The following LLGL1 variants were observed in gnomAD, a reference collection of about 807,000 sequenced individuals.
LLGL1 encodes lethal(2) giant larvae protein homolog 1.
A neutral mutation model predicts 110.6 loss-of-function variants in LLGL1; 58 were observed. The observed-to-expected ratio is 0.52, with a 90% CI of 0.42 to 0.65. The LOEUF is 0.65. LLGL1 is among the 30% of genes least tolerant of loss of function. LLGL1 has a pLI of 0.00. For missense variants in LLGL1, 1,229 were observed against 1,462.1 expected, an observed-to-expected ratio of 0.84 and a Z score of 2.60; for synonymous variants, 674 against 607.2, an observed-to-expected ratio of 1.11 and a Z score of -1.62.
At chr17:18,242,130 C>T (rs1229838230) in intron 19 of LLGL1, 36 bp from the exon 20 acceptor site, 3 of 1,577,360 alleles carry the variant, frequency 1.9e-6, no homozygotes, top group African/African-American at 2.7e-5. Context: ...CTCAAGTCAT[C>T]CACCTATGGT....
rs770208654 is a variant in LLGL1 at position 18,238,159 on chromosome 17, G to A, written c.1997G>A (p.Arg666His). Residue 666 changes from arginine (R) to histidine (H), a missense_variant, in exon 15 of 23, where the codon CGC becomes CAC. Physicochemically the swap from Arg to His is conservative, Grantham distance 29 (BLOSUM62 0). Coordinates refer to ENST00000316843, the MANE Select transcript of LLGL1 (RefSeq NM_004140.4). ...LKKSLRQSFRRIRKSRVSGKK... is the reference protein window; with the variant it reads ...LKKSLRQSFRHIRKSRVSGKK... ...AAGTCACTGCGCCAGTCTTTCCGGC[G>A]CATTCGCAAGAGTCGTGTCTCTGGC... The A allele has an allele frequency of 4.3e-6, 7 of 1,613,210 alleles. No individual in the cohort carries two copies. Among genetic ancestry groups the A allele is most frequent in the South Asian group, 2.2e-5 (2 of 91,088 alleles).
intron 1 of LLGL1, among the ~76,000 whole-genome samples, chr17:18,226,429 A>G (rs911068211): frequency 1.3e-5 from 2 of 151,984 alleles, no homozygotes; most frequent in Non-Finnish European, 2.9e-5. Context: ...GGGGCGAGGC[A>G]GCTGTGGGGG....
Position 18,235,462 on chromosome 17 carries a change from C to A in LLGL1, c.1285-8C>A, listed in dbSNP as rs373205687. 3.4e-4 allele frequency: 553 copies of A among 1,613,988 alleles called. No homozygotes were observed. The highest frequency in any genetic ancestry group is 4.5e-4 in the Non-Finnish European group (528 of 1,180,036). ...CCTTGTGCATACATCTCTGCCACCC[C>A]CTCCCAGAGCTGGCCCATCACTGGG... On this transcript the variant is annotated splice_polypyrimidine_tract_variant and splice_region_variant and intron_variant, in intron 10 of 22. Coordinates refer to ENST00000316843, the MANE Select transcript of LLGL1 (RefSeq NM_004140.4).
chr17:18,242,594 G>T lies in LLGL1; in HGVS notation c.3082G>T (p.Asp1028Tyr). 2 of 1,613,920 alleles carry T rather than the reference G, an allele frequency of 1.2e-6. No homozygotes were observed. The highest frequency in any genetic ancestry group is 1.7e-6 in the Non-Finnish European group (2 of 1,179,894). ...TGACACCACGCTGGACACGACAGGG[G>T]ACGTCACAGTGGAAGATGTGAAGGA... The part of the protein sequence containing the change: ...SADTTLDTTG[D>Y]VTVEDVKDFL... Residue 1028 changes from aspartate (D) to tyrosine (Y), a missense_variant, in exon 21 of 23, where the codon GAC becomes TAC. Asp to Tyr is a radical substitution (Grantham distance 160, BLOSUM62 -3). Transcript: ENST00000316843.
chr17:18,232,720 A>G lies in LLGL1; in HGVS notation c.310A>G (p.Ile104Val). The G allele has an allele frequency of 6.2e-7, 1 of 1,614,032 alleles. No homozygotes were observed. The highest frequency in any genetic ancestry group is 1.1e-5 in the South Asian group (1 of 91,078). Reference protein sequence around the residue: ...LDDSSLHLWEIVHHNGCAHLE... With the variant: ...LDDSSLHLWEVVHHNGCAHLE... ...TGACAGCAGTCTGCATCTCTGGGAG[A>G]TTGTCCACCATAATGGCTGTGCCCA... is the stretch of plus-strand genomic sequence containing the variant. Residue 104 changes from isoleucine (I) to valine (V), a missense_variant, in exon 4 of 23, where the codon ATT becomes GTT. Transcript: ENST00000316843.
chr17:18,237,906 C>A, intron 14 of LLGL1, 133 bp downstream of exon 14: 1 of 1,285,494 alleles, frequency 7.8e-7, no homozygotes, highest in Non-Finnish European at 1.1e-6. Flanking sequence ...AACCTGGCAG[C>A]TCCAAGAAGG....
chr17:18,229,868 G>A, intron 1 of LLGL1, 73 bp from the exon 2 acceptor site: 1 of 1,030,794 alleles, frequency 9.7e-7, no homozygotes, highest in South Asian at 1.5e-5. Context: ...GCTGCCTTGG[G>A]GTGGGCCTCA....
rs910092935 is a variant in LLGL1 at position 18,232,276 on chromosome 17, A to C, written c.180-219A>C. Among the ~76,000 whole-genome samples the C allele has an allele frequency of 2.5e-4, 38 of 152,260 alleles. 1 individual carries two copies. On this transcript the variant is annotated intron_variant, in intron 2 of 22. Coordinates refer to ENST00000316843, the MANE Select transcript of LLGL1 (RefSeq NM_004140.4). ...GGTCCTATAGCAGCACCTGACTTGC[A>C]GGAGTGAGTGGAGCCTGCACACTGA...
Position 18,235,125 on chromosome 17 carries a change from A to G in LLGL1, c.1097A>G (p.Glu366Gly). ...DDPQALAVLL[E>G]EELVVLDLQT... ...CCCCAGGCCCTGGCTGTGCTGCTGG[A>G]AGAGGAGCTGGTGGTGCTGGACCTG... The change falls in exon 10 of 23, where the codon GAA becomes GGA. Residue 366 changes from glutamate to glycine, a missense_variant. By Grantham distance (98) the Glu-to-Gly change is moderately conservative. Coordinates refer to ENST00000316843, the MANE Select transcript of LLGL1 (RefSeq NM_004140.4). 6.2e-7 allele frequency: 1 copy of G among 1,613,808 alleles called. No individual in the cohort carries two copies. Among genetic ancestry groups the G allele is most frequent in the Non-Finnish European group, 8.5e-7 (1 of 1,180,020 alleles).
In LLGL1 at chr17:18,225,670, A is replaced by C. The variant is rs764009488; in HGVS notation, c.-13A>C. ...CGGCGGCGGCGGGCGAGGCGCCTGC[A>C]GCCGGGCGCAAGATGATGAAGTTTC... is the stretch of plus-strand genomic sequence containing the variant. On this transcript the variant is annotated 5_prime_UTR_variant, in exon 1 of 23. Transcript: ENST00000316843. 5.0e-5 allele frequency: 50 copies of C among 997,390 alleles called. No individual in the cohort carries two copies. Among genetic ancestry groups the C allele is most frequent in the Admixed American group, 6.1e-5 (1 of 16,468 alleles). The allele number at this position is 997,390 out of a possible 1,614,324, so 61.8% of individuals were successfully genotyped here. A position where few individuals can be genotyped will look rare whatever the true frequency, so the allele number is the denominator to read the frequency against.
Position 18,234,986 on chromosome 17 carries a change from C to T in LLGL1, c.1053C>T (p.Pro351=), listed in dbSNP as rs770359507. ...IDFFTVHSTR[P]EDEFDDPQAL... ...TCTTCACAGTGCACAGCACACGGCC[C>T]GAGGATGGTGCGTGCCCTGCCGTAC... Residue 351 remains proline, a synonymous_variant, in exon 9 of 23, where the codon CCC becomes CCT. Transcript: ENST00000316843. 8 of 1,613,762 alleles carry T rather than the reference C, an allele frequency of 5.0e-6. No homozygotes were observed. Among genetic ancestry groups the T allele is most frequent in the Middle Eastern group, 1.6e-4 (1 of 6,084 alleles).
Position 18,234,352 on chromosome 17 carries a change from C to G in LLGL1, c.794C>G (p.Ser265Cys). 6.2e-7 allele frequency: 1 copy of G among 1,612,332 alleles called. No individual in the cohort carries two copies. The highest frequency in any genetic ancestry group is 8.5e-7 in the Non-Finnish European group (1 of 1,179,734). Reference sequence around the variant, plus strand: ...AGCGATGGCAGCTATGCTGTCTGGTCTGTGGATGCCGGCAGCTTCCCAACG... The same window carrying G: ...AGCGATGGCAGCTATGCTGTCTGGTGTGTGGATGCCGGCAGCTTCCCAACG... ...SHSDGSYAVW[S>C]VDAGSFPTLQ... The change falls in exon 7 of 23, where the codon TCT becomes TGT. Residue 265 changes from serine to cysteine, a missense_variant. Coordinates refer to ENST00000316843, the MANE Select transcript of LLGL1 (RefSeq NM_004140.4).
intron 17 of LLGL1, 152 bp from the exon 18 acceptor site, chr17:18,241,299 T>G (rs1264964811): frequency 2.2e-6 from 2 of 913,468 alleles, no homozygotes; most frequent in South Asian, 1.7e-5. Flanking sequence ...GTCTGGAGTT[T>G]AGTGGGGCAG....
rs1021368688 is a variant in LLGL1, at chr17:18,234,841, G to A, written c.908G>A (p.Gly303Asp). ...KILWRNCESG[G>D]HFIIFSGGMP... ...CGCACACCTCCCTCTGCACATAGGG[G>A]CCACTTTATCATCTTCAGCGGTGGC... Residue 303 changes from glycine to aspartate, a missense_variant and splice_region_variant, in exon 9 of 23, where the codon GGC becomes GAC. Physicochemically the swap from Gly to Asp is moderately conservative, Grantham distance 94. Transcript: ENST00000316843. 7 of 1,613,954 alleles carry A rather than the reference G, an allele frequency of 4.3e-6. No individual in the cohort carries two copies. Among genetic ancestry groups the A allele is most frequent in the Non-Finnish European group, 5.9e-6 (7 of 1,180,016 alleles).
chr17:18,237,676 G>A lies in LLGL1; in HGVS notation c.1807G>A (p.Ala603Thr), dbSNP rs139750751. 1.1e-4 allele frequency: 181 copies of A among 1,612,636 alleles called. No individual in the cohort carries two copies. Among genetic ancestry groups the A allele is most frequent in the Admixed American group, 2.7e-4 (16 of 59,990 alleles). Residue 603 changes from alanine to threonine, a missense_variant, in exon 14 of 23, where the codon GCT (alanine) becomes ACT (threonine). Physicochemically the swap from Ala to Thr is moderately conservative, Grantham distance 58. Coordinates refer to ENST00000316843, the MANE Select transcript of LLGL1 (RefSeq NM_004140.4). ...GTGCCTGCCGCCAGCTGCTGTAACC[G>A]CTGTCACACTCCACACCGAGTGGAG... is the stretch of plus-strand genomic sequence containing the variant. ...VQCLPPAAVTAVTLHTEWSLV... is the reference protein window; with the variant it reads ...VQCLPPAAVTTVTLHTEWSLV...
At chr17:18,235,753 A>T (rs2047679105) in intron 11 of LLGL1, 1 of 572,340 alleles carries the variant, frequency 1.7e-6, no homozygotes, top group Admixed American at 3.2e-5. Flanking sequence ...ACTGAGCTCT[A>T]CCAAACCCCA....
intron 15 of LLGL1, 60 bp from the exon 16 acceptor site, chr17:18,238,396 A>T: frequency 1.3e-6 from 2 of 1,576,024 alleles, no homozygotes; most frequent in Non-Finnish European, 1.7e-6. Context: ...TAGGGCGCAA[A>T]GCAGGATGCA....
chr17:18,237,242 C>T, intron 13 of LLGL1: 4 of 597,146 alleles, frequency 6.7e-6, no homozygotes, highest in African/African-American at 1.9e-5. Flanking sequence ...TAAGGGTGGA[C>T]ACTTTGCCCT....
At chr17:18,237,411 C>T (rs991938898) in intron 13 of LLGL1, 70 bp from the exon 14 acceptor site, 2 of 1,434,076 alleles carry the variant, frequency 1.4e-6, no homozygotes, top group Admixed American at 5.3e-5. Flanking sequence ...TTCAGAGGCT[C>T]CAGGCTGAGT....
Sources: gnomAD v4.1 joint callset for allele counts (sites outside exome capture counted in the v4.1 genomes callset) on GRCh38, gnomAD v4.1.1 for gene constraint, MANE v1.5 for transcripts, NCBI Gene and HGNC (gene_info 2026-07-23, HGNC 2026-07-21) for gene names.